The following LRRFIP2 variants were observed in gnomAD, a reference collection of about 807,000 sequenced individuals.
The protein encoded by LRRFIP2 is leucine-rich repeat flightless-interacting protein 2.
Under a neutral mutation model 125.9 loss-of-function variants are expected in LRRFIP2, and 109 were observed. The ratio of observed to expected loss-of-function variants is 0.87; its 90% CI spans 0.74 to 1.01. The LOEUF (loss-of-function observed/expected upper bound fraction) is 1.01, where lower values mean the gene tolerates loss of function less well. Ranked by LOEUF, LRRFIP2 falls within the 50% of genes least tolerant of loss-of-function variation. LRRFIP2 has a pLI of 0.00. For missense variants in LRRFIP2, 850 were observed against 862.3 expected (o/e 0.99, Z 0.18); for synonymous variants, 291 against 293.1 (o/e 0.99, Z 0.07).
intron 2 of LRRFIP2, among the ~76,000 whole-genome samples, chr3:37,141,073 C>T (rs1190977086): frequency 6.6e-6 from 1 of 152,034 alleles, no homozygotes; most frequent in Non-Finnish European, 1.5e-5. Flanking sequence ...AGTCCCAAAA[C>T]CCAAGAAGCA....
chr3:37,063,666 G>T, intron 24 of LRRFIP2, 76 bp downstream of exon 24: 3 of 1,059,586 alleles, frequency 2.8e-6, no homozygotes, highest in South Asian at 1.3e-5. Flanking sequence ...TTTTTTTAAT[G>T]AACATTTCAA....
At chr3:37,083,285 T>A (rs1395228981) in intron 19 of LRRFIP2, among the ~76,000 whole-genome samples, 4 of 152,118 alleles carry the variant, frequency 2.6e-5, no homozygotes, top group African/African-American at 9.7e-5. Flanking sequence ...AATCATCCTA[T>A]TGAGAGTCTT....
intron 21 of LRRFIP2, chr3:37,067,435 A>C (rs566261181): frequency 6.6e-6 from 1 of 152,344 alleles, no homozygotes; most frequent in African/African-American, 2.4e-5. Context: ...CCTTTCCCCA[A>C]ATATTTTTGT....
At chr3:37,056,886 T>C (rs1181304691) in intron 25 of LRRFIP2, among the ~76,000 whole-genome samples, 2 of 152,196 alleles carry the variant, frequency 1.3e-5, no homozygotes, top group Non-Finnish European at 2.9e-5. Flanking sequence ...ATCTATTGAT[T>C]ATCCAAATGT....
intron 6 of LRRFIP2, among the ~76,000 whole-genome samples, chr3:37,116,893 C>G: frequency 6.6e-6 from 1 of 152,026 alleles, no homozygotes; most frequent in East Asian, 1.9e-4. Flanking sequence ...AGCAAAATAT[C>G]TGTACCGCAT....
At chr3:37,136,668 T>C (rs1159366408) in intron 2 of LRRFIP2, among the ~76,000 whole-genome samples, 3 of 152,028 alleles carry the variant, frequency 2.0e-5, no homozygotes, top group Non-Finnish European at 2.9e-5. Context: ...AAGAAGAGGA[T>C]AGAATATATA....
intron 2 of LRRFIP2, 113 bp from the exon 3 acceptor site, chr3:37,129,262 G>T: frequency 1.3e-6 from 1 of 781,194 alleles, no homozygotes; most frequent in Non-Finnish European, 2.1e-6. Context: ...GGCAGGAGAA[G>T]ATATTATCTA....
At chr3:37,157,206 G>A (rs1396016015) in intron 1 of LRRFIP2, among the ~76,000 whole-genome samples, 1 of 152,180 alleles carries the variant, frequency 6.6e-6, no homozygotes, top group African/African-American at 2.4e-5. Context: ...ACTTTGGGAG[G>A]CTGAGGCAGG....
intron 14 of LRRFIP2, 35 bp downstream of exon 14, chr3:37,105,420 C>T (rs1406635823): frequency 6.3e-7 from 1 of 1,580,212 alleles, no homozygotes; most frequent in Non-Finnish European, 8.7e-7. Context: ...TCATTTAAAA[C>T]TCATCTTATT....
chr3:37,174,363 T>A lies in LRRFIP2; in HGVS notation c.-56+176A>T, dbSNP rs767633632. ...CAGCAATAAAAAGCTATTTCTAGTT[T>A]AAAGTGAATCCATTCCAATCACAAC... On this transcript the variant is annotated intron_variant, in intron 1 of 27. Coordinates refer to ENST00000336686, the MANE Select transcript of LRRFIP2 (RefSeq NM_006309.4). 41 of 152,302 alleles carry A rather than the reference T, an allele frequency of 2.7e-4. 1 individual carries two copies. Among genetic ancestry groups the A allele is most frequent in the Admixed American group, 8.5e-4 (13 of 15,298 alleles). The allele number at this position is 152,302 out of a possible 1,614,324, so 9.4% of individuals were successfully genotyped here.
intron 1 of LRRFIP2, among the ~76,000 whole-genome samples, chr3:37,168,016 T>C (rs1334641473): frequency 6.6e-6 from 1 of 152,108 alleles, no homozygotes; most frequent in African/African-American, 2.4e-5. Context: ...CAGAAAATAG[T>C]AAATGTTGGC....
chr3:37,055,721 A>G (rs1043631636), intron 25 of LRRFIP2, among the ~76,000 whole-genome samples: 3 of 152,128 alleles, frequency 2.0e-5, no homozygotes, highest in Non-Finnish European at 2.9e-5. Context: ...TCTTTACCCT[A>G]TGATATGTGT....
At chr3:37,115,720 G>A (rs1329488835) in intron 6 of LRRFIP2, among the ~76,000 whole-genome samples, 1 of 152,136 alleles carries the variant, frequency 6.6e-6, no homozygotes, top group Non-Finnish European at 1.5e-5. Context: ...GTGTGACACT[G>A]AATATAAATC....
At chr3:37,082,432 CT>C (rs2092720323) in intron 19 of LRRFIP2, among the ~76,000 whole-genome samples, 1 of 152,126 alleles carries the variant, frequency 6.6e-6, no homozygotes, top group Non-Finnish European at 1.5e-5. Context: ...CATATACTCC[CT>C]GTCCCCACAC....
chr3:37,129,296 GT>G (rs2095365740), intron 2 of LRRFIP2, 147 bp from the exon 3 acceptor site: 2 of 653,302 alleles, frequency 3.1e-6, no homozygotes. Context: ...TTGATTGATT[GT>G]TTTAATCAAC....
At chr3:37,125,835 A>G (rs1385839816) in intron 4 of LRRFIP2, among the ~76,000 whole-genome samples, 1 of 152,170 alleles carries the variant, frequency 6.6e-6, no homozygotes, top group Non-Finnish European at 1.5e-5. Flanking sequence ...AACATTAGCC[A>G]TTTATATTTT....
At chr3:37,070,909 G>A (rs971073786) in intron 21 of LRRFIP2, among the ~76,000 whole-genome samples, 15 of 152,042 alleles carry the variant, frequency 9.9e-5, no homozygotes, top group African/African-American at 3.4e-4. Flanking sequence ...ATTATGTGAA[G>A]TCCTAAAAGA....
intron 12 of LRRFIP2, among the ~76,000 whole-genome samples, 157 bp downstream of exon 12, chr3:37,108,480 G>A (rs2094431568): frequency 6.6e-6 from 1 of 152,200 alleles, no homozygotes; most frequent in Admixed American, 6.5e-5. Context: ...CTAGCTCAAT[G>A]ACTTGATCAC....
At chr3:37,143,650 T>A in intron 2 of LRRFIP2, 1 of 187,716 alleles carries the variant, frequency 5.3e-6, no homozygotes, top group Non-Finnish European at 1.1e-5. Context: ...CATCCTTTAA[T>A]GATCTCGTGG....
Sources: allele counts gnomAD v4.1 joint callset (sites outside exome capture counted in the v4.1 genomes callset), GRCh38; gene constraint gnomAD v4.1.1; transcripts MANE v1.5; gene names NCBI Gene and HGNC (gene_info 2026-07-23, HGNC 2026-07-21).